Variants in CAMKV observed in about 807,000 individuals in gnomAD.
CAMKV encodes caM kinase-like vesicle-associated protein.
A neutral mutation model predicts 50.2 loss-of-function variants in CAMKV; 5 were observed. The observed-to-expected ratio is 0.10, with a 90% CI of 0.05 to 0.21. The LOEUF is 0.21. Among genes scored for constraint, CAMKV ranks in the 10% least tolerant of loss-of-function variants. The pLI is 1.00. For missense variants in CAMKV, 361 were observed against 650.5 expected (o/e 0.55, Z 4.84); for synonymous variants, 229 against 250.1 (o/e 0.92, Z 0.80).
intron 1 of CAMKV, among the ~76,000 whole-genome samples, chr3:49,864,820 G>A (rs1012374112): frequency 1.3e-5 from 2 of 152,234 alleles, no homozygotes; most frequent in Non-Finnish European, 2.9e-5. Context: ...CCTCAAGGTA[G>A]TGGAGAAGGG....
intron 1 of CAMKV, among the ~76,000 whole-genome samples, chr3:49,867,258 A>G (rs571117253): frequency 3.9e-5 from 6 of 152,338 alleles, no homozygotes; most frequent in African/African-American, 1.4e-4. Flanking sequence ...CCACCATCCA[A>G]TTGCTTCAGG....
Position 49,860,156 on chromosome 3 carries a change from T to C in CAMKV, c.942+15A>G. On this transcript the variant is annotated intron_variant, in intron 10 of 10. Coordinates refer to ENST00000477224, the MANE Select transcript of CAMKV (RefSeq NM_024046.5). The surrounding 1 kb of genome is among the most constrained non-coding windows in gnomAD (Gnocchi z 6.1). ...ACTTGGGATAGAGCCAAGAAGGGAGTTATCCAAGCCTTACCTTCCACTTGG... is the reference window on the plus strand; with the variant it reads ...ACTTGGGATAGAGCCAAGAAGGGAGCTATCCAAGCCTTACCTTCCACTTGG... 4.4e-6 allele frequency: 7 copies of C among 1,608,602 alleles called. No homozygotes were observed. The highest frequency in any genetic ancestry group is 5.1e-6 in the Non-Finnish European group (6 of 1,175,316).
Position 49,859,259 on chromosome 3 carries a change from C to T in CAMKV, c.*59G>A. 1 of 1,413,100 alleles carries T rather than the reference C, an allele frequency of 7.1e-7. No homozygotes were observed. Among genetic ancestry groups the T allele is most frequent in the Non-Finnish European group, 9.5e-7 (1 of 1,052,852 alleles). The allele number at this position is 1,413,100 out of a possible 1,614,324, so 87.5% of individuals were successfully genotyped here. Reference sequence around the variant, plus strand: ...GTGACTCTATGTACAGTGAGAAGCCCCTCATCCACTCTCCCACCCTCCTGC... The same window carrying T: ...GTGACTCTATGTACAGTGAGAAGCCTCTCATCCACTCTCCCACCCTCCTGC... On this transcript the variant is annotated 3_prime_UTR_variant, in exon 11 of 11. Transcript: ENST00000477224. The surrounding 1 kb of genome is among the most constrained non-coding windows in gnomAD (Gnocchi z 5.5).
chr3:49,863,327 G>T (rs979784219), intron 1 of CAMKV: 3 of 152,154 alleles, frequency 2.0e-5, no homozygotes, highest in Non-Finnish European at 4.4e-5. Context: ...GGGGGATTCT[G>T]GAAGACCTAT....
Position 49,860,680 on chromosome 3 carries a change from T to G in CAMKV, c.775+36A>C. Reference sequence around the variant, plus strand: ...GAGCAGGACACCCTCCCCACTCCCTTGCGTTCTACCAAGTGCTGGGCAGGC... The same window carrying G: ...GAGCAGGACACCCTCCCCACTCCCTGGCGTTCTACCAAGTGCTGGGCAGGC... On this transcript the variant is annotated intron_variant, in intron 8 of 10. Coordinates refer to ENST00000477224, the MANE Select transcript of CAMKV (RefSeq NM_024046.5). This position sits in a 1 kb window ranked among gnomAD's most constrained non-coding sequence, Gnocchi z 6.1. 1 of 1,613,434 alleles carries G rather than the reference T, an allele frequency of 6.2e-7. No individual in the cohort carries two copies. The highest frequency in any genetic ancestry group is 8.5e-7 in the Non-Finnish European group (1 of 1,179,522).
intron 1 of CAMKV, among the ~76,000 whole-genome samples, chr3:49,868,530 G>A (rs2082081885): frequency 6.6e-6 from 1 of 152,218 alleles, no homozygotes; most frequent in African/African-American, 2.4e-5. Context: ...GCCAGGGCAT[G>A]GGGCTGGAGA....
chr3:49,858,202 G>A lies in CAMKV; in HGVS notation c.*1116C>T. The A allele has an allele frequency of 2.5e-6, 1 of 398,340 alleles. No individual in the cohort carries two copies. The highest frequency in any genetic ancestry group is 4.4e-6 in the Non-Finnish European group (1 of 225,992). The allele number at this position is 398,340 out of a possible 1,614,324, so 24.7% of individuals were successfully genotyped here. On this transcript the variant is annotated 3_prime_UTR_variant, in exon 11 of 11. Coordinates refer to ENST00000477224, the MANE Select transcript of CAMKV (RefSeq NM_024046.5). ...TCAGGAGCCTCCCTCAGGAAACTGG[G>A]GAGTTTAACCCTACTTCCTCATCCC... is the stretch of plus-strand genomic sequence containing the variant.
At position 49,859,748 on chromosome 3, in the gene CAMKV, G is replaced by C; in HGVS notation, c.1076C>G (p.Ala359Gly). ...GAAGGATAAA[A>G]SGATSAPEGD... Reference sequence around the variant, plus strand: ...CTCAGGGGCTGAGGTAGCTCCACTCGCAGCTGCAGCTGTGGCCCCACCTGC... The same window carrying C: ...CTCAGGGGCTGAGGTAGCTCCACTCCCAGCTGCAGCTGTGGCCCCACCTGC... Residue 359 changes from alanine (A) to glycine (G), a missense_variant, in exon 11 of 11, where the codon GCG becomes GGG. Transcript: ENST00000477224. This position sits in a 1 kb window ranked among gnomAD's most constrained non-coding sequence, Gnocchi z 5.5. The C allele has an allele frequency of 6.4e-7, 1 of 1,574,544 alleles. No individual in the cohort carries two copies. The highest frequency in any genetic ancestry group is 8.6e-7 in the Non-Finnish European group (1 of 1,160,310).
Position 49,869,817 on chromosome 3 carries a change from C to T in CAMKV, c.-74G>A, listed in dbSNP as rs554187142. The T allele has an allele frequency of 3.9e-5, 6 of 152,304 alleles. No individual in the cohort carries two copies. In the East Asian group the frequency reaches 1.2e-3, roughly 30 times the overall value. 9.4% of individuals were successfully genotyped at this position (152,304 alleles called of 1,614,324 possible). On this transcript the variant is annotated 5_prime_UTR_variant, in exon 1 of 11. Transcript: ENST00000477224. The surrounding 1 kb of genome is among the most constrained non-coding windows in gnomAD (Gnocchi z 5.2). ...CGCGGGCTCAGCGGGGCGCCGAGGG[C>T]TCCGGGGACGGCGGGCAGAATCCGC... is the stretch of plus-strand genomic sequence containing the variant.
At chr3:49,863,502 T>C (rs936740584) in intron 1 of CAMKV, 1 of 152,214 alleles carries the variant, frequency 6.6e-6, no homozygotes, top group African/African-American at 2.4e-5. Flanking sequence ...ACCCCTCCTT[T>C]AGGCAACCTG....
Position 49,860,682 on chromosome 3 carries a change from C to A in CAMKV, c.775+34G>T, listed in dbSNP as rs373671685. ...GCAGGACACCCTCCCCACTCCCTTG[C>A]GTTCTACCAAGTGCTGGGCAGGCAC... On this transcript the variant is annotated intron_variant, in intron 8 of 10. Coordinates refer to ENST00000477224, the MANE Select transcript of CAMKV (RefSeq NM_024046.5). The surrounding 1 kb of genome is among the most constrained non-coding windows in gnomAD (Gnocchi z 6.1). 1 of 1,613,096 alleles carries A rather than the reference C, an allele frequency of 6.2e-7. No homozygotes were observed. Among genetic ancestry groups the A allele is most frequent in the African/African-American group, 1.3e-5 (1 of 74,896 alleles).
chr3:49,861,803 A>T lies in CAMKV; in HGVS notation c.290T>A (p.Ile97Asn). Residue 97 changes from isoleucine to asparagine, a missense_variant, in exon 4 of 11, where the codon ATC becomes AAC. Coordinates refer to ENST00000477224, the MANE Select transcript of CAMKV (RefSeq NM_024046.5). The surrounding 1 kb of genome is among the most constrained non-coding windows in gnomAD (Gnocchi z 7.7). ...GACCCACACTCACAGCTCCAGGAAGATAAAGTACTCCTTGCGGGTCACAAA... is the reference window on the plus strand; with the variant it reads ...GACCCACACTCACAGCTCCAGGAAGTTAAAGTACTCCTTGCGGGTCACAAA... Reference protein sequence around the residue: ...DVFVTRKEYFIFLELATGREV... With the variant: ...DVFVTRKEYFNFLELATGREV... 1 of 1,613,876 alleles carries T rather than the reference A, an allele frequency of 6.2e-7. No individual in the cohort carries two copies. Among genetic ancestry groups the T allele is most frequent in the Non-Finnish European group, 8.5e-7 (1 of 1,179,894 alleles).
intron 1 of CAMKV, among the ~76,000 whole-genome samples, chr3:49,865,819 A>ACCCCCCT (rs1483391926): frequency 6.6e-6 from 1 of 151,724 alleles, no homozygotes; most frequent in East Asian, 1.9e-4. Flanking sequence ...CCCACCCCCC[A>ACCCCCCT]CCCCACTCCA....
chr3:49,860,207 G>T lies in CAMKV; in HGVS notation c.906C>A (p.Ala302=). The T allele has an allele frequency of 6.2e-7, 1 of 1,614,060 alleles. No homozygotes were observed. The highest frequency in any genetic ancestry group is 1.3e-5 in the African/African-American group (1 of 75,012). Residue 302 remains alanine, a synonymous_variant, in exon 10 of 11, where the codon GCC becomes GCA. Coordinates refer to ENST00000477224, the MANE Select transcript of CAMKV (RefSeq NM_024046.5). This position sits in a 1 kb window ranked among gnomAD's most constrained non-coding sequence, Gnocchi z 6.1. ...CCCTGGCAAAGTTCTTTTCAATCTG[G>T]GCACAGACACCATCCTTGATGTTCT... is the stretch of plus-strand genomic sequence containing the variant. ...SDKNIKDGVC[A]QIEKNFARAK...
chr3:49,861,635 A>G lies in CAMKV; in HGVS notation c.303-58T>C. On this transcript the variant is annotated intron_variant, in intron 4 of 10. Coordinates refer to ENST00000477224, the MANE Select transcript of CAMKV (RefSeq NM_024046.5). This position sits in a 1 kb window ranked among gnomAD's most constrained non-coding sequence, Gnocchi z 7.7. ...GCAGAATCAGGGGTAGGGCAGGAGC[A>G]CTTGGGTGAGCTGCCTACGCCAGGC... The G allele has an allele frequency of 6.2e-7, 1 of 1,611,366 alleles. No individual in the cohort carries two copies.
intron 1 of CAMKV, among the ~76,000 whole-genome samples, chr3:49,868,434 C>A (rs1466367737): frequency 6.6e-6 from 1 of 152,224 alleles, no homozygotes; most frequent in Non-Finnish European, 1.5e-5. Flanking sequence ...CCCTTCACCT[C>A]CCCATGCCTC....
At chr3:49,865,823 C>A (rs990012436) in intron 1 of CAMKV, among the ~76,000 whole-genome samples, 1 of 152,252 alleles carries the variant, frequency 6.6e-6, no homozygotes, top group African/African-American at 2.4e-5. Context: ...CCCCCCACCC[C>A]ACTCCAACAG....
At chr3:49,867,989 G>A (rs1575410637) in intron 1 of CAMKV, among the ~76,000 whole-genome samples, 1 of 152,158 alleles carries the variant, frequency 6.6e-6, no homozygotes, top group African/African-American at 2.4e-5. Context: ...GCACCCTCCT[G>A]TATCCCCCAA....
rs755058424 is a variant in CAMKV at position 49,862,146 on chromosome 3, C to T, written c.126G>A (p.Lys42=). The part of the protein sequence containing the change: ...TEEFCEIFRA[K]DKTTGKLHTC... Reference sequence around the variant, plus strand: ...TGTGCAGCTTGCCTGTCGTCTTGTCCTTGGCCCGGAAGATTTCACAAAACT... The same window carrying T: ...TGTGCAGCTTGCCTGTCGTCTTGTCTTTGGCCCGGAAGATTTCACAAAACT... Residue 42 remains lysine, a synonymous_variant, in exon 3 of 11, where the codon AAG becomes AAA. Coordinates refer to ENST00000477224, the MANE Select transcript of CAMKV (RefSeq NM_024046.5). The surrounding 1 kb of genome is among the most constrained non-coding windows in gnomAD (Gnocchi z 5.2). 1.9e-6 allele frequency: 3 copies of T among 1,614,106 alleles called. No homozygotes were observed. Among genetic ancestry groups the T allele is most frequent in the Non-Finnish European group, 2.5e-6 (3 of 1,180,056 alleles).
Sources: allele counts gnomAD v4.1 joint callset (sites outside exome capture counted in the v4.1 genomes callset), GRCh38; gene constraint gnomAD v4.1.1; non-coding constraint Gnocchi (gnomAD v3.1); transcripts MANE v1.5; gene names NCBI Gene and HGNC (gene_info 2026-07-23, HGNC 2026-07-21).